Variants in CPED1 observed in about 807,000 individuals in gnomAD.
CPED1 encodes cadherin like and PC-esterase domain containing 1, also known as cadherin-like and PC-esterase domain-containing protein 1.
In CPED1, 114 loss-of-function variants were observed where a neutral mutation model predicts 128.2. That is an observed-to-expected ratio of 0.89 (90% CI 0.76 to 1.04). The LOEUF (loss-of-function observed/expected upper bound fraction) is 1.04, where lower values mean the gene tolerates loss of function less well. CPED1 is among the 50% of genes least tolerant of loss of function. The pLI is 0.00. For missense variants in CPED1, 1,211 were observed against 1,207.1 expected, an observed-to-expected ratio of 1.00 and a Z score of -0.05; for synonymous variants, 462 against 426.7, an observed-to-expected ratio of 1.08 and a Z score of -1.02.
intron 17 of CPED1, among the ~76,000 whole-genome samples, chr7:121,242,720 G>A (rs1260339640): frequency 6.6e-6 from 1 of 151,932 alleles, no homozygotes; most frequent in Non-Finnish European, 1.5e-5. Context: ...TTGAAAATTT[G>A]GTATTTCTCT....
At chr7:121,055,438 A>G (rs10085563) in intron 4 of CPED1, among the ~76,000 whole-genome samples, 104,628 of 151,686 alleles carry the variant, frequency 0.69, 37,707 homozygotes, top group Admixed American at 0.82. Flanking sequence ...TAAGCATATC[A>G]TTTATTTCAA....
intron 16 of CPED1, among the ~76,000 whole-genome samples, chr7:121,147,705 G>A (rs1257302622): frequency 6.6e-6 from 1 of 152,032 alleles, no homozygotes; most frequent in African/African-American, 2.4e-5. Flanking sequence ...GCTACAGGAA[G>A]GTTATATATA....
chr7:121,169,965 C>A (rs1214537595), intron 16 of CPED1, among the ~76,000 whole-genome samples: 1 of 152,148 alleles, frequency 6.6e-6, no homozygotes, highest in African/African-American at 2.4e-5. Context: ...TTGATCCCCA[C>A]CTTACACTTA....
intron 22 of CPED1, among the ~76,000 whole-genome samples, chr7:121,272,907 T>C (rs1032046071): frequency 2.6e-5 from 4 of 152,128 alleles, no homozygotes; most frequent in African/African-American, 9.6e-5. Flanking sequence ...CATCCCGTCC[T>C]TCCTCTTTGT....
intron 8 of CPED1, among the ~76,000 whole-genome samples, chr7:121,125,494 T>G (rs1309490048): frequency 6.6e-6 from 1 of 152,090 alleles, no homozygotes; most frequent in African/African-American, 2.4e-5. Flanking sequence ...CAGTGTGTGA[T>G]GTTCCCCTCC....
chr7:121,238,754 A>ATT (rs398111791), intron 17 of CPED1, among the ~76,000 whole-genome samples: 1 of 148,052 alleles, frequency 6.8e-6, no homozygotes, highest in Non-Finnish European at 1.5e-5. Context: ...AGGAATATAT[A>ATT]TTATATATAT....
chr7:121,162,716 G>A (rs1401121970), intron 16 of CPED1, among the ~76,000 whole-genome samples: 1 of 152,202 alleles, frequency 6.6e-6, no homozygotes, highest in Non-Finnish European at 1.5e-5. Flanking sequence ...TCACTGTGGT[G>A]TATTTTAGTT....
intron 16 of CPED1, among the ~76,000 whole-genome samples, chr7:121,175,245 A>G (rs1222513364): frequency 6.6e-6 from 1 of 152,090 alleles, no homozygotes; most frequent in East Asian, 1.9e-4. Flanking sequence ...TAGGACTTCC[A>G]ATACTAGGTT....
At chr7:120,995,912 TCTC>T (rs1796390695) in intron 2 of CPED1, among the ~76,000 whole-genome samples, 1 of 91,964 alleles carries the variant, frequency 1.1e-5, no homozygotes, top group Non-Finnish European at 2.4e-5. Context: ...TTCTTCTTCT[TCTC>T]CTTCTCCTCC....
intron 16 of CPED1, among the ~76,000 whole-genome samples, chr7:121,186,445 A>G (rs889997012): frequency 6.6e-6 from 1 of 152,118 alleles, no homozygotes; most frequent in African/African-American, 2.4e-5. Flanking sequence ...TTATGCATCT[A>G]TGAAAAAGCT....
intron 18 of CPED1, among the ~76,000 whole-genome samples, chr7:121,254,267 T>A (rs1330706574): frequency 6.6e-6 from 1 of 152,038 alleles, no homozygotes; most frequent in Non-Finnish European, 1.5e-5. Flanking sequence ...CCCTTAAATC[T>A]ACTCAAATAC....
At chr7:120,999,732 G>A (rs1007021238) in intron 2 of CPED1, among the ~76,000 whole-genome samples, 1 of 152,116 alleles carries the variant, frequency 6.6e-6, no homozygotes, top group African/African-American at 2.4e-5. Context: ...TTTAATGTTT[G>A]TGAATTTATC....
At chr7:121,139,248 A>G (rs1183283867) in intron 14 of CPED1, among the ~76,000 whole-genome samples, 1 of 152,036 alleles carries the variant, frequency 6.6e-6, no homozygotes, top group East Asian at 1.9e-4. Flanking sequence ...AACCAACATT[A>G]CTAGTAGTTT....
chr7:121,240,019 T>C (rs557848081), intron 17 of CPED1, among the ~76,000 whole-genome samples: 10 of 152,326 alleles, frequency 6.6e-5, no homozygotes, highest in African/African-American at 2.4e-4. Flanking sequence ...GCAGATGTTA[T>C]ACAGATGCCT....
intron 3 of CPED1, among the ~76,000 whole-genome samples, chr7:121,019,734 G>C (rs1792388844): frequency 1.3e-5 from 2 of 151,922 alleles, no homozygotes; most frequent in Admixed American, 6.6e-5. Flanking sequence ...GTAAACATAT[G>C]CACTATTATG....
intron 16 of CPED1, among the ~76,000 whole-genome samples, chr7:121,178,392 TTTGTTGTTGTTC>T (rs1796830572): frequency 6.6e-6 from 1 of 152,052 alleles, no homozygotes; most frequent in Non-Finnish European, 1.5e-5. Context: ...CATGCGTATT[TTTGTTGTTGTTC>T]TTGTTGTTGT....
At chr7:121,262,759 G>A (rs1792046450) in intron 18 of CPED1, among the ~76,000 whole-genome samples, 1 of 151,868 alleles carries the variant, frequency 6.6e-6, no homozygotes, top group Admixed American at 6.6e-5. Context: ...CAAACTGAAT[G>A]GCCTAAAATA....
At chr7:121,194,034 A>C (rs1477243852) in intron 16 of CPED1, among the ~76,000 whole-genome samples, 86 of 102,848 alleles carry the variant, frequency 8.4e-4, no homozygotes, top group African/African-American at 3.3e-3. Flanking sequence ...ATATATATAT[A>C]TATATATATA....
intron 16 of CPED1, among the ~76,000 whole-genome samples, chr7:121,227,400 A>T (rs767023041): frequency 7.2e-5 from 11 of 152,100 alleles, no homozygotes; most frequent in Non-Finnish European, 1.6e-4. Flanking sequence ...CTGGGCTTAC[A>T]TCGTGGATGG....
Sources: allele counts gnomAD v4.1 joint callset (sites outside exome capture counted in the v4.1 genomes callset), GRCh38; gene constraint gnomAD v4.1.1; transcripts MANE v1.5; gene names NCBI Gene and HGNC (gene_info 2026-07-23, HGNC 2026-07-21).